The following NAA11 variants were observed in gnomAD, a reference collection of about 807,000 sequenced individuals.
The protein encoded by NAA11 is N-alpha-acetyltransferase 11.
NAA11 carries 15 observed loss-of-function variants against 16.1 expected under a neutral mutation model. The ratio of observed to expected loss-of-function variants is 0.93; its 90% CI spans 0.62 to 1.44. NAA11 has a LOEUF of 1.44. NAA11 is among the 40% of genes most tolerant of loss of function. NAA11 has a pLI of 0.00. For synonymous variants in NAA11, 122 were observed against 112.4 expected (o/e 1.09, Z -0.54); for missense variants, 298 against 291.3 (o/e 1.02, Z -0.17).
At chr4:79,273,386 T>C (rs1722545917) in intron 2 of NAA11, among the ~76,000 whole-genome samples, 1 of 152,026 alleles carries the variant, frequency 6.6e-6, no homozygotes, top group Non-Finnish European at 1.5e-5. Context: ...GAAAGCCAAT[T>C]TCAGACATAA....
intron 1 of NAA11, among the ~76,000 whole-genome samples, chr4:79,295,189 CT>C (rs1375931989): frequency 2.0e-5 from 3 of 152,162 alleles, no homozygotes; most frequent in Non-Finnish European, 2.9e-5. Context: ...CTTATTCTGT[CT>C]TAGGGAGTCA....
chr4:79,210,699 T>C, the NAA11 span, among the ~76,000 whole-genome samples: 1 of 152,006 alleles, frequency 6.6e-6, no homozygotes, highest in Non-Finnish European at 1.5e-5. Flanking sequence ...TAATATACCC[T>C]GGGTTAGCGG....
the NAA11 span, among the ~76,000 whole-genome samples, chr4:79,171,993 G>T: frequency 1.3e-5 from 2 of 152,094 alleles, no homozygotes. Context: ...TTTTATGAGT[G>T]TAGAAAGTTG....
At chr4:79,232,046 A>G (rs190718599) in intron 2 of NAA11, among the ~76,000 whole-genome samples, 2 of 151,950 alleles carry the variant, frequency 1.3e-5, no homozygotes, top group East Asian at 3.9e-4. Flanking sequence ...TGTGCTTTCT[A>G]ACAGATTTCT....
intron 2 of NAA11, among the ~76,000 whole-genome samples, chr4:79,249,823 A>G (rs1274511927): frequency 6.6e-6 from 1 of 152,242 alleles, no homozygotes; most frequent in Non-Finnish European, 1.5e-5. Flanking sequence ...GATTCTTCAA[A>G]GTTGAAAGAA....
chr4:79,272,511 T>A (rs1011393885), intron 2 of NAA11, among the ~76,000 whole-genome samples: 2 of 152,056 alleles, frequency 1.3e-5, no homozygotes, highest in African/African-American at 4.8e-5. Context: ...GACAATGGAA[T>A]GAGACACAGA....
At chr4:79,287,013 G>T (rs1345646326) in intron 2 of NAA11, among the ~76,000 whole-genome samples, 1 of 152,062 alleles carries the variant, frequency 6.6e-6, no homozygotes, top group Non-Finnish European at 1.5e-5. Context: ...CCTTCACAAG[G>T]CTGTGAGGTG....
downstream of NAA11, among the ~76,000 whole-genome samples, chr4:79,222,972 A>G (rs1485596468): frequency 1.9e-4 from 27 of 140,710 alleles, no homozygotes; most frequent in African/African-American, 5.5e-4. Context: ...TTAGAATGGC[A>G]ATCATTAAAA....
chr4:79,230,513 A>AC (rs1277131610), intron 2 of NAA11, among the ~76,000 whole-genome samples: 1 of 151,182 alleles, frequency 6.6e-6, no homozygotes, highest in Admixed American at 6.6e-5. Context: ...GATTCCTACA[A>AC]AAGAAACCTC....
At chr4:79,164,604 C>T in the NAA11 span, among the ~76,000 whole-genome samples, 1 of 152,180 alleles carries the variant, frequency 6.6e-6, no homozygotes, top group Non-Finnish European at 1.5e-5. Flanking sequence ...GCTTGGCTCT[C>T]AACTGGTGAC....
chr4:79,246,022 C>T (rs1331216201), intron 2 of NAA11, among the ~76,000 whole-genome samples: 1 of 152,160 alleles, frequency 6.6e-6, no homozygotes, highest in Admixed American at 6.5e-5. Context: ...CCATTTTGTT[C>T]TGTACTAAGA....
downstream of NAA11, among the ~76,000 whole-genome samples, chr4:79,313,525 A>C (rs1723841785): frequency 6.6e-6 from 1 of 152,188 alleles, no homozygotes; most frequent in Admixed American, 6.5e-5. Flanking sequence ...CACCATTCCA[A>C]AGGTGTGAAA....
chr4:79,180,295 A>G, the NAA11 span, among the ~76,000 whole-genome samples: 2 of 152,220 alleles, frequency 1.3e-5, no homozygotes, highest in African/African-American at 2.4e-5. Flanking sequence ...ATAAAATATG[A>G]CAGGAAATGT....
chr4:79,298,640 A>G (rs1300256362), intron 1 of NAA11, among the ~76,000 whole-genome samples: 1 of 152,160 alleles, frequency 6.6e-6, no homozygotes, highest in Non-Finnish European at 1.5e-5. Context: ...GCCAGACCCC[A>G]CACTCACTCA....
chr4:79,253,225 A>G (rs1265670918), intron 2 of NAA11, among the ~76,000 whole-genome samples: 1 of 152,208 alleles, frequency 6.6e-6, no homozygotes, highest in African/African-American at 2.4e-5. Flanking sequence ...TTGGGGGGAA[A>G]CCAAGAGTTC....
chr4:79,204,902 T>G, the NAA11 span, among the ~76,000 whole-genome samples: 1 of 149,580 alleles, frequency 6.7e-6, no homozygotes, highest in African/African-American at 2.5e-5. Context: ...TTGTTCCTTT[T>G]TATGGCTAAT....
At chr4:79,198,035 T>C in the NAA11 span, among the ~76,000 whole-genome samples, 1 of 151,940 alleles carries the variant, frequency 6.6e-6, no homozygotes, top group Non-Finnish European at 1.5e-5. Context: ...CTTTCTTTAT[T>C]TGGAGTTTGC....
chr4:79,293,283 G>C (rs1723129162), intron 2 of NAA11, among the ~76,000 whole-genome samples: 1 of 152,066 alleles, frequency 6.6e-6, no homozygotes, highest in African/African-American at 2.4e-5. Flanking sequence ...AAAACAAAGG[G>C]AAAGACTCTG....
chr4:79,216,847 A>G, the NAA11 span, among the ~76,000 whole-genome samples: 1 of 152,162 alleles, frequency 6.6e-6, no homozygotes, highest in Admixed American at 6.5e-5. Flanking sequence ...TGGAATAAAA[A>G]TGGCTTCAAT....
Sources: gnomAD v4.1 joint callset for allele counts (sites outside exome capture counted in the v4.1 genomes callset) on GRCh38, gnomAD v4.1.1 for gene constraint, MANE v1.5 for transcripts, NCBI Gene and HGNC (gene_info 2026-07-23, HGNC 2026-07-21) for gene names.